The following CTNND2 variants were observed in gnomAD, a reference collection of about 807,000 sequenced individuals.
CTNND2 encodes the protein catenin delta 2.
Under a neutral mutation model 144.4 loss-of-function variants are expected in CTNND2, and 22 were observed. That is an observed-to-expected ratio of 0.15 (90% CI 0.11 to 0.22). CTNND2 has a LOEUF of 0.22. Among genes scored for constraint, CTNND2 ranks in the 10% least tolerant of loss-of-function variants. The probability of loss-of-function intolerance (pLI) is 1.00; values close to 1 mark genes in which losing one functional copy is unlikely to be tolerated. For synonymous variants in CTNND2, 751 were observed against 695.6 expected (o/e 1.08, Z -1.25); for missense variants, 1,353 against 1,618.8 (o/e 0.84, Z 2.82).
intron 2 of CTNND2, among the ~76,000 whole-genome samples, chr5:11,716,224 T>C (rs1037036043): frequency 1.7e-4 from 26 of 152,358 alleles, no homozygotes; most frequent in African/African-American, 5.8e-4. Context: ...TACATCATTA[T>C]CAAGTCATAA....
At chr5:11,741,999 A>C (rs902321484) in intron 1 of CTNND2, among the ~76,000 whole-genome samples, 8 of 150,852 alleles carry the variant, frequency 5.3e-5, no homozygotes, top group African/African-American at 1.9e-4. Flanking sequence ...GAGCTAAGCT[A>C]TGAGGACACA....
intron 3 of CTNND2, among the ~76,000 whole-genome samples, chr5:11,510,383 C>CTATT (rs1370406771): frequency 1.3e-5 from 2 of 152,170 alleles, no homozygotes; most frequent in African/African-American, 4.8e-5. Flanking sequence ...GCTACTCAGC[C>CTATT]TAAATCTGCA....
At chr5:11,383,167 C>A (rs1013435845) in intron 7 of CTNND2, among the ~76,000 whole-genome samples, 4 of 152,068 alleles carry the variant, frequency 2.6e-5, no homozygotes, top group Admixed American at 2.6e-4. Context: ...CTCCTGATTT[C>A]TTTCATGAGG....
intron 2 of CTNND2, among the ~76,000 whole-genome samples, chr5:11,727,407 G>A (rs1164510402): frequency 6.6e-6 from 1 of 152,102 alleles, no homozygotes; most frequent in Non-Finnish European, 1.5e-5. Context: ...TCATGACCCA[G>A]TTCCACGGAC....
At chr5:11,106,959 GGGA>G (rs1752485265) in intron 14 of CTNND2, among the ~76,000 whole-genome samples, 2 of 152,110 alleles carry the variant, frequency 1.3e-5, no homozygotes, top group African/African-American at 4.8e-5. Context: ...CGTGACCATG[GGGA>G]GGAAGGCAGC....
At chr5:11,250,520 T>TATATATATATATATATATACATATA (rs1491283471) in intron 9 of CTNND2, among the ~76,000 whole-genome samples, 1 of 5,538 alleles carries the variant, frequency 1.8e-4, no homozygotes. Flanking sequence ...TATACATATA[T>TATATATATATATATATATACATATA]TTTTTTTTTT....
At chr5:11,452,505 T>A (rs1000916440) in intron 3 of CTNND2, among the ~76,000 whole-genome samples, 3 of 152,228 alleles carry the variant, frequency 2.0e-5, no homozygotes, top group Admixed American at 1.3e-4. Flanking sequence ...ATTCACTTTC[T>A]GCAGCTCAGC....
chr5:11,558,341 CGTGTGTGTGTGTGTGT>C (rs59741742), intron 3 of CTNND2, among the ~76,000 whole-genome samples: 2 of 132,120 alleles, frequency 1.5e-5, no homozygotes, highest in Non-Finnish European at 3.2e-5. Flanking sequence ...GTGAGAAACA[CGTGTGTGTGTGTGTGT>C]GTGTGTGTGT....
chr5:11,584,424 T>G lies in CTNND2; in HGVS notation c.175-19368A>C, dbSNP rs7445009. On this transcript the variant is annotated intron_variant, in intron 2 of 21. Transcript: ENST00000304623. The stretch of plus-strand genomic sequence containing the variant: ...ATATATACATATATATATATTTTTT[T>G]TGGGGGGGGGGAGGAGGAAGCTAGT... Among the ~76,000 whole-genome samples, 520 of 116,782 alleles carry G rather than the reference T, an allele frequency of 4.5e-3. 2 individuals are homozygous for G. Among genetic ancestry groups the G allele is most frequent in the Middle Eastern group, 0.01 (2 of 192 alleles). The allele number at this position is 116,782 out of a possible 152,430, so 76.6% of individuals were successfully genotyped here.
chr5:11,135,193 T>A (rs1439001441), intron 12 of CTNND2, among the ~76,000 whole-genome samples: 1 of 152,172 alleles, frequency 6.6e-6, no homozygotes, highest in Non-Finnish European at 1.5e-5. Flanking sequence ...CATTTGTCAT[T>A]CAGGTTTTAC....
chr5:11,197,522 AG>A (rs1385361421), intron 11 of CTNND2, among the ~76,000 whole-genome samples: 3 of 152,232 alleles, frequency 2.0e-5, no homozygotes, highest in Admixed American at 6.5e-5. Flanking sequence ...CCATACATCA[AG>A]CAAGCATCCT....
chr5:11,501,771 G>A (rs972706599), intron 3 of CTNND2, among the ~76,000 whole-genome samples: 1 of 151,716 alleles, frequency 6.6e-6, no homozygotes, highest in African/African-American at 2.4e-5. Flanking sequence ...CACTTTGGGA[G>A]GCCGAGACGG....
chr5:11,358,258 T>C (rs182634999), intron 8 of CTNND2, among the ~76,000 whole-genome samples: 48 of 152,322 alleles, frequency 3.2e-4, no homozygotes, highest in African/African-American at 1.1e-3. Flanking sequence ...TATTTTTGAA[T>C]TTTACCAATA....
chr5:11,058,697 C>T (rs952336924), intron 16 of CTNND2, among the ~76,000 whole-genome samples: 1 of 152,208 alleles, frequency 6.6e-6, no homozygotes, highest in African/African-American at 2.4e-5. Context: ...GATCCAATGA[C>T]CTCTTGCATC....
intron 17 of CTNND2, among the ~76,000 whole-genome samples, chr5:11,018,713 T>C (rs1208392276): frequency 6.7e-6 from 1 of 149,678 alleles, no homozygotes; most frequent in African/African-American, 2.5e-5. Flanking sequence ...GACTCTTTTT[T>C]TTTTTTTTTT....
At chr5:11,379,126 G>T (rs1292830343) in intron 7 of CTNND2, among the ~76,000 whole-genome samples, 2 of 152,200 alleles carry the variant, frequency 1.3e-5, no homozygotes, top group Non-Finnish European at 2.9e-5. Flanking sequence ...TCCCGAAAGT[G>T]AAAGGATTAT....
chr5:11,693,488 C>G (rs1013660318), intron 2 of CTNND2, among the ~76,000 whole-genome samples: 1 of 152,000 alleles, frequency 6.6e-6, no homozygotes, highest in Non-Finnish European at 1.5e-5. Context: ...GTTTTGTTTT[C>G]TTTAAGAAGG....
At chr5:11,199,880 C>T (rs878913016) in intron 10 of CTNND2, among the ~76,000 whole-genome samples, 2 of 152,162 alleles carry the variant, frequency 1.3e-5, no homozygotes, top group Non-Finnish European at 2.9e-5. Flanking sequence ...GTATTTCTTT[C>T]GAACTATAGA....
At chr5:11,673,408 T>C (rs962919554) in intron 2 of CTNND2, among the ~76,000 whole-genome samples, 4 of 152,190 alleles carry the variant, frequency 2.6e-5, no homozygotes, top group Non-Finnish European at 4.4e-5. Flanking sequence ...TGCATTTTTG[T>C]GGGTTTTGTG....
Sources: allele counts gnomAD v4.1 joint callset (sites outside exome capture counted in the v4.1 genomes callset), GRCh38; gene constraint gnomAD v4.1.1; transcripts MANE v1.5; gene names NCBI Gene and HGNC (gene_info 2026-07-23, HGNC 2026-07-21).